The following WARS1 variants were observed in gnomAD, a reference collection of about 807,000 sequenced individuals.
The protein encoded by WARS1 is tryptophanyl-tRNA synthetase 1.
WARS1 carries 17 observed loss-of-function variants against 47.8 expected under a neutral mutation model. That is an observed-to-expected ratio of 0.36 (90% CI 0.24 to 0.53). The LOEUF is 0.53. Ranked by LOEUF, WARS1 falls within the 20% of genes least tolerant of loss-of-function variation. The pLI, the probability that WARS1 is intolerant of heterozygous loss-of-function variation, is 0.91. For missense variants in WARS1, 434 were observed against 608.0 expected (o/e 0.71, Z 3.01); for synonymous variants, 208 against 228.1 (o/e 0.91, Z 0.79).
chr14:100,373,774 T>C lies in WARS1; in HGVS notation c.-74+1509A>G, dbSNP rs1269448461. Reference sequence around the variant, plus strand: ...AGACTGAGGAAATAGCAGATGATCATGATCACAAGGCATATACTTTGCGTG... The same window carrying C: ...AGACTGAGGAAATAGCAGATGATCACGATCACAAGGCATATACTTTGCGTG... On this transcript the variant is annotated intron_variant, in intron 1 of 10. Transcript: ENST00000392882. This position sits in a 1 kb window ranked among gnomAD's most constrained non-coding sequence, Gnocchi z 4.4. Among the ~76,000 whole-genome samples the C allele has an allele frequency of 6.6e-6, 1 of 152,124 alleles. No homozygotes were observed. Among genetic ancestry groups the C allele is most frequent in the Non-Finnish European group, 1.5e-5 (1 of 68,034 alleles).
Position 100,373,372 on chromosome 14 carries a change from C to T in WARS1, c.-74+1911G>A, listed in dbSNP as rs780538748. Among the ~76,000 whole-genome samples the T allele has an allele frequency of 1.3e-5, 2 of 152,184 alleles. No homozygotes were observed. The highest frequency in any genetic ancestry group is 2.4e-5 in the African/African-American group (1 of 41,434). ...CTCTTGGGGTCTCCTCCAGGTCTCC[C>T]AACCTTAGTCTGTTTTCTTCACCCT... On this transcript the variant is annotated intron_variant, in intron 1 of 10. Transcript: ENST00000392882. The surrounding 1 kb of genome is among the most constrained non-coding windows in gnomAD (Gnocchi z 4.4).
intron 1 of WARS1, among the ~76,000 whole-genome samples, chr14:100,372,207 AAAC>A (rs1219434881): frequency 1.3e-5 from 2 of 152,108 alleles, no homozygotes; most frequent in Non-Finnish European, 2.9e-5. Flanking sequence ...CAGGTGAAAT[AAAC>A]AACCTTGTTG....
chr14:100,358,893 AT>A (rs1170840651), intron 4 of WARS1, among the ~76,000 whole-genome samples: 1 of 152,242 alleles, frequency 6.6e-6, no homozygotes, highest in African/African-American at 2.4e-5. Context: ...AGATATAAAA[AT>A]TGTTAATAAG....
intron 4 of WARS1, among the ~76,000 whole-genome samples, chr14:100,357,235 T>G (rs1247261758): frequency 1.3e-5 from 2 of 152,136 alleles, no homozygotes; most frequent in Non-Finnish European, 2.9e-5. Context: ...ACAAGGATGC[T>G]CACTTTCACC....
At chr14:100,360,272 C>A (rs769144422) in intron 4 of WARS1, among the ~76,000 whole-genome samples, 2 of 152,126 alleles carry the variant, frequency 1.3e-5, no homozygotes, top group Non-Finnish European at 2.9e-5. Flanking sequence ...TTTATAATTT[C>A]TTTACAGCCT....
At chr14:100,344,859 TGAGAAGTGAGGAGCCCCTCCACCC>T (rs1595418304) in intron 7 of WARS1, among the ~76,000 whole-genome samples, 6 of 145,514 alleles carry the variant, frequency 4.1e-5, no homozygotes, top group East Asian at 2.2e-4. Flanking sequence ...ACCGCCCGCC[TGAGAAGTGAGGAGCCCCTCCACCC>T]GGCAGCCACC....
rs371089804 is a variant in WARS1, at chr14:100,335,031, G to A, written c.1260C>T (p.Tyr420=). The change falls in exon 11 of 11, where the codon TAC becomes TAT. Residue 420 remains tyrosine, a synonymous_variant. Transcript: ENST00000392882. The stretch of plus-strand genomic sequence containing the variant: ...CACCGGTGAGCATGGCTCCGCTGGT[G>A]TAATCCTGCCCGGAGGGAGACAGCC... ...DDKLEQIRKD[Y]TSGAMLTGEL... is the part of the protein sequence containing the mutation. 1.2e-6 allele frequency: 2 copies of A among 1,613,338 alleles called. No homozygotes were observed. Among genetic ancestry groups the A allele is most frequent in the African/African-American group, 1.3e-5 (1 of 74,894 alleles).
At chr14:100,349,832 G>C (rs1306725332) in intron 6 of WARS1, among the ~76,000 whole-genome samples, 2 of 152,230 alleles carry the variant, frequency 1.3e-5, no homozygotes, top group African/African-American at 4.8e-5. Flanking sequence ...GAGGGCGATG[G>C]CTGGCTTTGT....
chr14:100,369,167 C>A lies in WARS1; in HGVS notation c.19G>T (p.Ala7Ser). The change falls in exon 2 of 11, where the codon GCA becomes TCA. Residue 7 changes from alanine (A) to serine (S), a missense_variant. Ala to Ser is a moderately conservative substitution (Grantham distance 99). Coordinates refer to ENST00000392882, the MANE Select transcript of WARS1 (RefSeq NM_004184.4). MPNSEP[A>S]SLLELFNSIA... ...CTGTTGAACAGCTCCAGCAGAGATG[C>A]GGGCTCACTGTTGGGCATGTTTGCT... The A allele has an allele frequency of 1.5e-6, 2 of 1,370,630 alleles. No homozygotes were observed. The highest frequency in any genetic ancestry group is 2.0e-6 in the Non-Finnish European group (2 of 1,025,430). 84.9% of individuals were successfully genotyped at this position (1,370,630 alleles called of 1,614,324 possible). A position where few individuals can be genotyped will look rare whatever the true frequency, so the allele number is the denominator to read the frequency against.
chr14:100,340,154 T>C (rs574549111), intron 9 of WARS1: 2 of 152,256 alleles, frequency 1.3e-5, no homozygotes, highest in South Asian at 4.2e-4. Flanking sequence ...ACACCAGGCT[T>C]CTGGGTGGAG....
chr14:100,336,740 C>T, intron 10 of WARS1: 1 of 216,330 alleles, frequency 4.6e-6, no homozygotes, highest in Non-Finnish European at 9.2e-6. Context: ...TCAATGGCAA[C>T]ACAAAAGCCC....
rs1029378361 is a variant in WARS1, at chr14:100,373,705, A to G, written c.-74+1578T>C. ...ATGTTGCAGGGAAAAACATGTGTCT[A>G]TAAATATCAGAACTCCATTTAAGAA... On this transcript the variant is annotated intron_variant, in intron 1 of 10. Coordinates refer to ENST00000392882, the MANE Select transcript of WARS1 (RefSeq NM_004184.4). This position sits in a 1 kb window ranked among gnomAD's most constrained non-coding sequence, Gnocchi z 4.4. Among the ~76,000 whole-genome samples the G allele has an allele frequency of 1.3e-5, 2 of 152,224 alleles. No individual in the cohort carries two copies. Among genetic ancestry groups the G allele is most frequent in the African/African-American group, 4.8e-5 (2 of 41,458 alleles).
rs1358050167 is a variant in WARS1 at position 100,375,341 on chromosome 14, TGA to T, written c.-134_-133del. 5 of 152,252 alleles carry T rather than the reference TGA, an allele frequency of 3.3e-5. No homozygotes were observed. The highest frequency in any genetic ancestry group is 5.9e-5 in the Non-Finnish European group (4 of 68,056). 9.4% of individuals were successfully genotyped at this position (152,252 alleles called of 1,614,324 possible). A position where few individuals can be genotyped will look rare whatever the true frequency, so the allele number is the denominator to read the frequency against. On this transcript the variant is annotated 5_prime_UTR_variant, in exon 1 of 11. Coordinates refer to ENST00000392882, the MANE Select transcript of WARS1 (RefSeq NM_004184.4). ...TGGTCACGCTGGGCAGTTGAGCTGC[TGA>T]GAGTGCCCTGCCCAGCCAGAAATGG...
intron 4 of WARS1, among the ~76,000 whole-genome samples, chr14:100,354,934 G>A (rs546252865): frequency 6.6e-6 from 1 of 152,284 alleles, no homozygotes; most frequent in Non-Finnish European, 1.5e-5. Context: ...GAATCACCCA[G>A]CCCCGAGGAC....
chr14:100,337,482 G>C, intron 9 of WARS1, among the ~76,000 whole-genome samples: 1 of 152,162 alleles, frequency 6.6e-6, no homozygotes, highest in East Asian at 1.9e-4. Context: ...CAGGAGAATA[G>C]AGTTGGGAAA....
chr14:100,345,006 T>G (rs1465606949), intron 7 of WARS1, among the ~76,000 whole-genome samples: 1 of 135,354 alleles, frequency 7.4e-6, no homozygotes. Flanking sequence ...AGTGGGGGGG[T>G]CAGCCCCCCG....
chr14:100,337,452 A>AC (rs1893824701), intron 9 of WARS1, among the ~76,000 whole-genome samples: 1 of 151,050 alleles, frequency 6.6e-6, no homozygotes, highest in South Asian at 2.1e-4. Flanking sequence ...TGAGCTTTGA[A>AC]CCCCCCATCC....
Position 100,343,323 on chromosome 14 carries a change from G to C in WARS1, c.891C>G (p.Phe297Leu). 2 of 1,613,426 alleles carry C rather than the reference G, an allele frequency of 1.2e-6. No individual in the cohort carries two copies. The highest frequency in any genetic ancestry group is 4.5e-5 in the East Asian group (2 of 44,854). The change falls in exon 8 of 11, where the codon TTC (phenylalanine) becomes TTG (leucine). Residue 297 changes from phenylalanine (F) to leucine (L), a missense_variant. Phe to Leu is a conservative substitution (Grantham distance 22). This residue lies in a region of WARS1 where 347 missense variants were observed against 523.8 expected (regional missense o/e 0.66). Transcript: ENST00000392882. Reference protein sequence around the residue: ...PSFSNSFPQIFRDRTDIQCLI... With the variant: ...PSFSNSFPQILRDRTDIQCLI... ...GGCACTGGATATCCGTCCTGTCTCGGAAGATCTGTGGGAATGAGTTGCTGA... is the reference window on the plus strand; with the variant it reads ...GGCACTGGATATCCGTCCTGTCTCGCAAGATCTGTGGGAATGAGTTGCTGA...
Position 100,334,746 on chromosome 14 carries a change from G to C in WARS1, c.*129C>G, listed in dbSNP as rs1893591294. ...GAAACAGTATTGATAACATACACAGGCTTACAGAGGCCAGGCCCAGTAATT... is the reference window on the plus strand; with the variant it reads ...GAAACAGTATTGATAACATACACAGCCTTACAGAGGCCAGGCCCAGTAATT... On this transcript the variant is annotated 3_prime_UTR_variant, in exon 11 of 11. Coordinates refer to ENST00000392882, the MANE Select transcript of WARS1 (RefSeq NM_004184.4). 1 of 1,036,924 alleles carries C rather than the reference G, an allele frequency of 9.6e-7. No homozygotes were observed. The highest frequency in any genetic ancestry group is 1.6e-5 in the African/African-American group (1 of 62,832). The allele number at this position is 1,036,924 out of a possible 1,614,324, so 64.2% of individuals were successfully genotyped here. A position where few individuals can be genotyped will look rare whatever the true frequency, so the allele number is the denominator to read the frequency against.
Sources: allele counts gnomAD v4.1 joint callset (sites outside exome capture counted in the v4.1 genomes callset), GRCh38; gene constraint gnomAD v4.1.1; regional missense constraint gnomAD v4.1.1; non-coding constraint Gnocchi (gnomAD v3.1); transcripts MANE v1.5; gene names NCBI Gene and HGNC (gene_info 2026-07-23, HGNC 2026-07-21).